POLR1A: variants seen among roughly 807,000 people sequenced by gnomAD.
POLR1A encodes the protein RNA polymerase I subunit A.
A neutral mutation model predicts 205.3 loss-of-function variants in POLR1A; 84 were observed. The ratio of observed to expected loss-of-function variants is 0.41; its 90% CI spans 0.34 to 0.49. The LOEUF (loss-of-function observed/expected upper bound fraction) is 0.49. POLR1A is among the 20% of genes least tolerant of loss of function. The pLI, the probability that POLR1A is intolerant of heterozygous loss-of-function variation, is 0.22. For missense variants in POLR1A, 1,645 were observed against 2,204.5 expected (o/e 0.75, Z 5.08); for synonymous variants, 799 against 863.7 (o/e 0.93, Z 1.31).
At chr2:86,089,695 G>T in intron 4 of POLR1A, 127 bp downstream of exon 4, 1 of 655,756 alleles carries the variant, frequency 1.5e-6, no homozygotes, top group Non-Finnish European at 2.8e-6. Context: ...GGTCTCACAA[G>T]AGACAGAGCT....
chr2:86,068,387 G>GT (rs1673119157), intron 13 of POLR1A, among the ~76,000 whole-genome samples: 1 of 26,862 alleles, frequency 3.7e-5, no homozygotes, highest in Non-Finnish European at 1.3e-4. Context: ...GCACATGGGC[G>GT]GGGGGGGGGG....
At chr2:86,048,114 CA>C (rs1397167768) in intron 18 of POLR1A, among the ~76,000 whole-genome samples, 1 of 152,182 alleles carries the variant, frequency 6.6e-6, no homozygotes, top group Non-Finnish European at 1.5e-5. Flanking sequence ...AAAAGCCAGG[CA>C]AGAGAGCACT....
At chr2:86,052,646 C>A (rs1467139009) in intron 16 of POLR1A, among the ~76,000 whole-genome samples, 171 bp downstream of exon 16, 1 of 152,194 alleles carries the variant, frequency 6.6e-6, no homozygotes, top group Non-Finnish European at 1.5e-5. Context: ...TCTGTTAAGA[C>A]CCTGTAATAA....
In POLR1A at chr2:86,020,278, C is replaced by A. The variant is rs1180489531; in HGVS notation, c.*7145G>T. 6.6e-6 allele frequency: 1 copy of A among 152,116 alleles called. No homozygotes were observed. The highest frequency in any genetic ancestry group is 1.5e-5 in the Non-Finnish European group (1 of 68,032). 9.4% of individuals were successfully genotyped at this position (152,116 alleles called of 1,614,324 possible). A position where few individuals can be genotyped will look rare whatever the true frequency, so the allele number is the denominator to read the frequency against. On this transcript the variant is annotated 3_prime_UTR_variant, in exon 34 of 34. Coordinates refer to ENST00000263857, the MANE Select transcript of POLR1A (RefSeq NM_015425.6). ...AAACTGAAGTACAAATGAGGCTGGG[C>A]ATAGTGGCTTACACCTGTAATCCCA...
chr2:86,045,069 AGCCCTT>A (rs1445164913), intron 21 of POLR1A, among the ~76,000 whole-genome samples: 1 of 152,170 alleles, frequency 6.6e-6, no homozygotes, highest in Admixed American at 6.5e-5. Context: ...CAGAACACAG[AGCCCTT>A]GGTATAAGCC....
In POLR1A at chr2:86,031,405, C is replaced by T; in HGVS notation, c.4503G>A (p.Arg1501=). The change falls in exon 30 of 34, where the codon CGG becomes CGA. Residue 1501 remains arginine, a synonymous_variant. Coordinates refer to ENST00000263857, the MANE Select transcript of POLR1A (RefSeq NM_015425.6). ...GGTGGATCTCACGCACAGCCTGGACCCGGCGCTCCATGGCCTCGGGCCCCT... is the reference window on the plus strand; with the variant it reads ...GGTGGATCTCACGCACAGCCTGGACTCGGCGCTCCATGGCCTCGGGCCCCT... ...EPQGPEAMER[R]VQAVREIHPF... is the part of the protein sequence containing the mutation. 1.2e-6 allele frequency: 2 copies of T among 1,612,872 alleles called. No homozygotes were observed. Among genetic ancestry groups the T allele is most frequent in the Non-Finnish European group, 1.7e-6 (2 of 1,179,288 alleles).
Position 86,026,939 on chromosome 2 carries a change from C to T in POLR1A, c.*484G>A, listed in dbSNP as rs1159454206. On this transcript the variant is annotated 3_prime_UTR_variant, in exon 34 of 34. Transcript: ENST00000263857. ...GAAGGAGCAGGCCTTGGGCAGCAGG[C>T]TCCACGTTCCTGCTCATCGGGAGCC... 1 of 176,514 alleles carries T rather than the reference C, an allele frequency of 5.7e-6. No individual in the cohort carries two copies. The highest frequency in any genetic ancestry group is 5.4e-5 in the Admixed American group (1 of 18,646). 10.9% of individuals were successfully genotyped at this position (176,514 alleles called of 1,614,324 possible).
rs1008525087 is a variant in POLR1A, at chr2:86,028,772, C to T, written c.4780-61G>A. On this transcript the variant is annotated intron_variant, in intron 31 of 33. Coordinates refer to ENST00000263857, the MANE Select transcript of POLR1A (RefSeq NM_015425.6). The surrounding 1 kb of genome is among the most constrained non-coding windows in gnomAD (Gnocchi z 4.5). ...CTGGCCTTCTGCTCCCTTCTGCCTG[C>T]GTATCTCCCCCTGGCCGCTCTCTCT... The T allele has an allele frequency of 5.5e-5, 67 of 1,221,322 alleles. No individual in the cohort carries two copies. The highest frequency in any genetic ancestry group is 1.4e-4 in the Admixed American group (8 of 56,172). 75.7% of individuals were successfully genotyped at this position (1,221,322 alleles called of 1,614,324 possible). A position where few individuals can be genotyped will look rare whatever the true frequency, so the allele number is the denominator to read the frequency against.
Position 86,026,468 on chromosome 2 carries a change from C to T in POLR1A, c.*955G>A, listed in dbSNP as rs887069640. 6.6e-6 allele frequency: 1 copy of T among 152,240 alleles called. No homozygotes were observed. The highest frequency in any genetic ancestry group is 2.1e-4 in the South Asian group (1 of 4,836). The allele number at this position is 152,240 out of a possible 1,614,324, so 9.4% of individuals were successfully genotyped here. On this transcript the variant is annotated 3_prime_UTR_variant, in exon 34 of 34. Transcript: ENST00000263857. ...TACAAAGCCTTTGTATAAGTCCTCT[C>T]TGTCTTTTCTGTCCATGCCAGGGAA...
At chr2:86,040,353 T>C (rs376464026) in intron 25 of POLR1A, 39 bp downstream of exon 25, 3 of 1,519,750 alleles carry the variant, frequency 2.0e-6, no homozygotes, top group Non-Finnish European at 2.7e-6. Flanking sequence ...CAGGAGAGGC[T>C]AGGACAGACC....
Position 86,080,722 on chromosome 2 carries a change from G to A in POLR1A, c.1086+94C>T, listed in dbSNP as rs574342128. The A allele has an allele frequency of 1.2e-5, 15 of 1,250,396 alleles. No individual in the cohort carries two copies. The East Asian group carries it at 1.7e-4, about 14-fold the overall frequency. 77.5% of individuals were successfully genotyped at this position (1,250,396 alleles called of 1,614,324 possible). A position where few individuals can be genotyped will look rare whatever the true frequency, so the allele number is the denominator to read the frequency against. On this transcript the variant is annotated intron_variant, in intron 9 of 33. Transcript: ENST00000263857. Reference sequence around the variant, plus strand: ...CTGCCAGCTGCACAGAACATCCCAGGAAGCATCTCCCAGACCCAGTGTCTA... The same window carrying A: ...CTGCCAGCTGCACAGAACATCCCAGAAAGCATCTCCCAGACCCAGTGTCTA...
chr2:86,090,826 G>A (rs530182572), intron 3 of POLR1A, among the ~76,000 whole-genome samples: 1 of 152,226 alleles, frequency 6.6e-6, no homozygotes, highest in Non-Finnish European at 1.5e-5. Flanking sequence ...TGCCTCTGTA[G>A]TCCCAGCTAC....
chr2:86,051,259 A>G (rs1227536498), intron 16 of POLR1A, among the ~76,000 whole-genome samples: 1 of 152,216 alleles, frequency 6.6e-6, no homozygotes, highest in Non-Finnish European at 1.5e-5. Flanking sequence ...CACTTTTTCC[A>G]AATGTATTTG....
chr2:86,030,125 T>C (rs1287090166), intron 31 of POLR1A, 71 bp downstream of exon 31: 1 of 1,292,672 alleles, frequency 7.7e-7, no homozygotes, highest in Non-Finnish European at 1.1e-6. Context: ...AGCCTCCCAG[T>C]GGCTGGGTCT....
intron 13 of POLR1A, 85 bp downstream of exon 13, chr2:86,069,933 T>C (rs1673146350): frequency 6.9e-7 from 1 of 1,450,038 alleles, no homozygotes; most frequent in African/African-American, 1.4e-5. Flanking sequence ...AGCTGCCCAA[T>C]GACCCCAGGG....
chr2:86,035,541 C>T (rs1330713685), intron 27 of POLR1A, among the ~76,000 whole-genome samples: 1 of 152,234 alleles, frequency 6.6e-6, no homozygotes, highest in African/African-American at 2.4e-5. Context: ...CTGCCACACA[C>T]AGGGCTGCTT....
chr2:86,039,216 G>T lies in POLR1A; in HGVS notation c.3876+111C>A, dbSNP rs151045570. 3,692 of 1,188,620 alleles carry T rather than the reference G, an allele frequency of 3.1e-3. 15 individuals carry two copies. Among genetic ancestry groups the T allele is most frequent in the Non-Finnish European group, 3.1e-3 (2,599 of 834,888 alleles). The allele number at this position is 1,188,620 out of a possible 1,614,324, so 73.6% of individuals were successfully genotyped here. ...CAGAGACAGCTTATCTCTCATTGGTGGGAATCTGAGCCTAGGGTCAGAGCA... is the reference window on the plus strand; with the variant it reads ...CAGAGACAGCTTATCTCTCATTGGTTGGAATCTGAGCCTAGGGTCAGAGCA... On this transcript the variant is annotated intron_variant, in intron 26 of 33. Transcript: ENST00000263857.
intron 6 of POLR1A, among the ~76,000 whole-genome samples, chr2:86,084,309 A>G (rs1673459052): frequency 1.3e-5 from 2 of 151,706 alleles, no homozygotes; most frequent in South Asian, 2.1e-4. Context: ...CCCAGCTACT[A>G]GGGAGGCTGA....
chr2:86,100,636 T>A (rs1316535628), intron 1 of POLR1A, among the ~76,000 whole-genome samples: 1 of 151,934 alleles, frequency 6.6e-6, no homozygotes, highest in South Asian at 2.1e-4. Flanking sequence ...TGGGCTCCAG[T>A]GATCCTCCCA....
Sources: allele counts gnomAD v4.1 joint callset (sites outside exome capture counted in the v4.1 genomes callset), GRCh38; gene constraint gnomAD v4.1.1; non-coding constraint Gnocchi (gnomAD v3.1); transcripts MANE v1.5; gene names NCBI Gene and HGNC (gene_info 2026-07-23, HGNC 2026-07-21).